GSE1: variants seen among roughly 807,000 people sequenced by gnomAD.
The protein encoded by GSE1 is genetic suppressor element 1.
In GSE1, 32 loss-of-function variants were observed where a neutral mutation model predicts 112.6. That is an observed-to-expected ratio of 0.28 (90% confidence interval 0.21 to 0.38). The LOEUF is 0.38. GSE1 is among the 10% of genes least tolerant of loss of function. The pLI, the probability that GSE1 is intolerant of heterozygous loss-of-function variation, is 1.00. For missense variants in GSE1, 2,348 were observed against 1,699.2 expected (o/e 1.38, Z -6.71); for synonymous variants, 1,115 against 735.6 (o/e 1.52, Z -8.35).
Position 85,385,864 on chromosome 16 carries a change from G to T in GSE1, c.2464+28221G>T, listed in dbSNP as rs536846751. Among the ~76,000 whole-genome samples the T allele has an allele frequency of 5.3e-5, 8 of 152,334 alleles. No homozygotes were observed. In the South Asian group the frequency reaches 1.7e-3, roughly 32 times the overall value. ...CCGGGCCAGGACGGCTCCAGCTCCA[G>T]CTCCAGCTTGAGACGGGGCGTGCAC... On this transcript the variant is annotated intron_variant, in intron 2 of 2. Coordinates refer to the GSE1 transcript ENST00000637419.
chr16:85,339,948 G>A (rs2046589547), intron 1 of GSE1, among the ~76,000 whole-genome samples: 2 of 152,176 alleles, frequency 1.3e-5, no homozygotes, highest in African/African-American at 2.4e-5. Flanking sequence ...CCCAGGGCGG[G>A]GGCCAGATAA....
chr16:85,448,318 G>T (rs934440849), intron 2 of GSE1, among the ~76,000 whole-genome samples: 9 of 152,208 alleles, frequency 5.9e-5, no homozygotes, highest in Admixed American at 4.6e-4. Context: ...TGATTCTGCT[G>T]TGCAGCCAGG....
At chr16:85,285,746 A>T (rs1233780652) in intron 1 of GSE1, 1 of 152,380 alleles carries the variant, frequency 6.6e-6, no homozygotes, top group Non-Finnish European at 1.5e-5. Context: ...CCTGCCCCAG[A>T]CCTAGAATCA....
chr16:85,575,013 T>A (rs958445077), intron 1 of GSE1, among the ~76,000 whole-genome samples: 7 of 152,116 alleles, frequency 4.6e-5, no homozygotes, highest in Non-Finnish European at 1.0e-4. Flanking sequence ...CAAAGGTTAA[T>A]CCCCTCGCTG....
chr16:85,369,732 G>A (rs1054837578), intron 2 of GSE1, among the ~76,000 whole-genome samples: 1 of 152,208 alleles, frequency 6.6e-6, no homozygotes, highest in African/African-American at 2.4e-5. Flanking sequence ...GGGCTGTTAT[G>A]CAGCCTAACA....
intron 1 of GSE1, among the ~76,000 whole-genome samples, chr16:85,589,727 CTGTG>C (rs750419306): frequency 9.9e-5 from 15 of 151,738 alleles, no homozygotes; most frequent in South Asian, 4.2e-4. Context: ...GTGAATGTGA[CTGTG>C]TGAATGTGGA....
At chr16:85,427,623 C>G (rs1195524240) in intron 2 of GSE1, among the ~76,000 whole-genome samples, 2 of 152,070 alleles carry the variant, frequency 1.3e-5, no homozygotes, top group Non-Finnish European at 2.9e-5. Flanking sequence ...GTCTGGGCGA[C>G]AGAGCAGCAC....
At chr16:85,248,296 G>T (rs1408482082) in intron 1 of GSE1, among the ~76,000 whole-genome samples, 2 of 152,046 alleles carry the variant, frequency 1.3e-5, no homozygotes, top group African/African-American at 2.4e-5. Flanking sequence ...TCCCGCCTCT[G>T]CCCGGTTTGG....
intron 1 of GSE1, among the ~76,000 whole-genome samples, chr16:85,330,293 G>A (rs920083044): frequency 2.0e-5 from 3 of 152,220 alleles, no homozygotes; most frequent in East Asian, 1.9e-4. Context: ...AGTGGGCTGC[G>A]TGGTGACAGA....
chr16:85,525,447 G>A (rs896611149), intron 2 of GSE1, among the ~76,000 whole-genome samples: 2 of 152,212 alleles, frequency 1.3e-5, no homozygotes, highest in Non-Finnish European at 2.9e-5. Context: ...GGAGCGAGGT[G>A]GCCAGGCTGG....
chr16:85,473,918 C>T (rs1289716461), intron 2 of GSE1, among the ~76,000 whole-genome samples: 1 of 151,960 alleles, frequency 6.6e-6, no homozygotes, highest in Admixed American at 6.5e-5. Flanking sequence ...AAAAAAGAGC[C>T]GGAGCTGGTC....
intron 2 of GSE1, among the ~76,000 whole-genome samples, chr16:85,477,707 C>T (rs2050503839): frequency 1.3e-5 from 2 of 151,918 alleles, no homozygotes; most frequent in East Asian, 1.9e-4. Flanking sequence ...ATTAGAGGCA[C>T]CCGCCACCAT....
intron 1 of GSE1, among the ~76,000 whole-genome samples, chr16:85,239,252 G>C (rs938155971): frequency 6.6e-6 from 1 of 152,252 alleles, no homozygotes; most frequent in Non-Finnish European, 1.5e-5. Context: ...CTTTTTTAGC[G>C]AAAGTCATTG....
chr16:85,510,696 GC>G (rs1345607148), intron 2 of GSE1, among the ~76,000 whole-genome samples: 1 of 152,204 alleles, frequency 6.6e-6, no homozygotes, highest in Non-Finnish European at 1.5e-5. Flanking sequence ...CGGCTCCCAT[GC>G]ATGAAGAGTG....
intron 1 of GSE1, among the ~76,000 whole-genome samples, chr16:85,186,624 T>A (rs62048638): frequency 6.7e-6 from 1 of 148,964 alleles, no homozygotes; most frequent in South Asian, 2.1e-4. Context: ...AAAAAAAATT[T>A]AGCCGTGTGT....
At chr16:85,291,854 T>C (rs779929659) in intron 1 of GSE1, among the ~76,000 whole-genome samples, 2 of 152,166 alleles carry the variant, frequency 1.3e-5, no homozygotes, top group Non-Finnish European at 2.9e-5. Context: ...CACTCGTCCC[T>C]CTCACCACAA....
intron 1 of GSE1, among the ~76,000 whole-genome samples, chr16:85,590,194 ATGTG>A (rs145034493): frequency 1.3e-4 from 19 of 151,692 alleles, no homozygotes; most frequent in East Asian, 5.9e-4. Flanking sequence ...CACTGAATGA[ATGTG>A]TGTGATTGTG....
intron 2 of GSE1, among the ~76,000 whole-genome samples, chr16:85,452,813 C>A (rs751356164): frequency 1.3e-5 from 2 of 152,232 alleles, no homozygotes; most frequent in Non-Finnish European, 2.9e-5. Flanking sequence ...CTCTCTCCCC[C>A]GTTCGTTCTG....
At chr16:85,615,689 A>G (rs2048327792) in intron 1 of GSE1, among the ~76,000 whole-genome samples, 1 of 152,226 alleles carries the variant, frequency 6.6e-6, no homozygotes, top group African/African-American at 2.4e-5. Flanking sequence ...ACTGTGGCGC[A>G]GGCTCTGAGC....
Sources: gnomAD v4.1 joint callset for allele counts (sites outside exome capture counted in the v4.1 genomes callset) on GRCh38, gnomAD v4.1.1 for gene constraint, MANE v1.5 for transcripts, NCBI Gene and HGNC (gene_info 2026-07-23, HGNC 2026-07-21) for gene names.